MAGI2: variants seen among roughly 807,000 people sequenced by gnomAD.
MAGI2 encodes membrane-associated guanylate kinase, WW and PDZ domain-containing protein 2.
A neutral mutation model predicts 133.3 loss-of-function variants in MAGI2; 35 were observed. That is an observed-to-expected ratio of 0.26 (90% CI 0.20 to 0.35). The LOEUF (loss-of-function observed/expected upper bound fraction) is 0.35, where lower values mean the gene tolerates loss of function less well. MAGI2 is among the 10% of genes least tolerant of loss of function. MAGI2 has a pLI of 1.00. For missense variants in MAGI2, 1,636 were observed against 1,863.4 expected (o/e 0.88, Z 2.25); for synonymous variants, 729 against 710.6 (o/e 1.03, Z -0.41).
chr7:78,434,979 A>G (rs1351392986), intron 6 of MAGI2, among the ~76,000 whole-genome samples: 2 of 152,088 alleles, frequency 1.3e-5, no homozygotes, highest in African/African-American at 4.8e-5. Flanking sequence ...TGGACCAGAC[A>G]AAGACCTAAA....
At chr7:79,213,191 TATAG>T (rs1585215416) in intron 1 of MAGI2, among the ~76,000 whole-genome samples, 16 of 151,436 alleles carry the variant, frequency 1.1e-4, no homozygotes, top group South Asian at 4.2e-4. Context: ...GATTTTTCTG[TATAG>T]ATTTTTCTGT....
At chr7:79,170,821 A>G (rs1825466410) in intron 1 of MAGI2, among the ~76,000 whole-genome samples, 1 of 152,132 alleles carries the variant, frequency 6.6e-6, no homozygotes, top group African/African-American at 2.4e-5. Flanking sequence ...TTGATTCTTA[A>G]TTAAAATAAA....
At chr7:79,235,148 C>T (rs13308108) in intron 1 of MAGI2, among the ~76,000 whole-genome samples, 14 of 152,012 alleles carry the variant, frequency 9.2e-5, no homozygotes, top group South Asian at 2.1e-4. Flanking sequence ...GCAGTCTGCC[C>T]GTTCTCAGAT....
rs1829894946 is a variant in MAGI2 at position 79,214,912 on chromosome 7, T to G, written c.302-207706A>C. Among the ~76,000 whole-genome samples the G allele has an allele frequency of 2.1e-5, 3 of 146,264 alleles. No homozygotes were observed. The South Asian group carries it at 6.3e-4, about 31-fold the overall frequency. ...AAATTTATAAATTTATAAATATATA[T>G]TTATAAATTTCTATGATATATAACA... On this transcript the variant is annotated intron_variant, in intron 1 of 21. Transcript: ENST00000354212.
chr7:78,097,618 C>CT (rs1817827528), intron 20 of MAGI2, among the ~76,000 whole-genome samples: 1 of 152,026 alleles, frequency 6.6e-6, no homozygotes, highest in Non-Finnish European at 1.5e-5. Flanking sequence ...ATGATAAGAA[C>CT]TCATGAATAC....
At chr7:79,190,094 G>T (rs1208107762) in intron 1 of MAGI2, among the ~76,000 whole-genome samples, 2 of 151,672 alleles carry the variant, frequency 1.3e-5, no homozygotes, top group East Asian at 1.9e-4. Flanking sequence ...AAACATTTGT[G>T]CACAGTTTTT....
chr7:78,497,750 A>ATCTATCTATCTGTCTGTCTG lies in MAGI2; in HGVS notation c.965+3826_965+3827insCAGACAGACAGATAGATAGA, dbSNP rs1554442384. 4.5e-4 allele frequency among the ~76,000 whole-genome samples: 51 copies of ATCTATCTATCTGTCTGTCTG among 113,412 alleles called. 1 individual carries two copies. Among genetic ancestry groups the ATCTATCTATCTGTCTGTCTG allele is most frequent in the Non-Finnish European group, 7.6e-4 (39 of 51,220 alleles). The allele number at this position is 113,412 out of a possible 152,430, so 74.4% of individuals were successfully genotyped here. On this transcript the variant is annotated intron_variant, in intron 5 of 21. Coordinates refer to ENST00000354212, the MANE Select transcript of MAGI2 (RefSeq NM_012301.4). The stretch of plus-strand genomic sequence containing the variant: ...TATCTATCTATCTATCTATCTATCT[A>ATCTATCTATCTGTCTGTCTG]TCTATCTATCTATCTTTCTATCTTA...
At chr7:78,758,736 C>T (rs1366710681) in intron 2 of MAGI2, among the ~76,000 whole-genome samples, 1 of 152,122 alleles carries the variant, frequency 6.6e-6, no homozygotes, top group Non-Finnish European at 1.5e-5. Context: ...AAACAATGCT[C>T]CTTATGCATC....
chr7:79,123,664 T>G (rs1820113917), intron 1 of MAGI2, among the ~76,000 whole-genome samples: 1 of 150,372 alleles, frequency 6.7e-6, no homozygotes, highest in African/African-American at 2.4e-5. Context: ...GGTGTGCCTG[T>G]AATCCCAGCA....
chr7:78,875,317 A>G (rs1380349500), intron 2 of MAGI2, among the ~76,000 whole-genome samples: 1 of 152,194 alleles, frequency 6.6e-6, no homozygotes, highest in Admixed American at 6.5e-5. Flanking sequence ...TCTTACAAGG[A>G]GGACAAAGCT....
intron 2 of MAGI2, among the ~76,000 whole-genome samples, chr7:78,854,046 T>A (rs1370391948): frequency 6.6e-6 from 1 of 152,104 alleles, no homozygotes; most frequent in Non-Finnish European, 1.5e-5. Flanking sequence ...TATTGGAAAT[T>A]CATCTACAAT....
intron 20 of MAGI2, among the ~76,000 whole-genome samples, chr7:78,085,202 C>G (rs1260250385): frequency 6.6e-6 from 1 of 152,088 alleles, no homozygotes; most frequent in African/African-American, 2.4e-5. Flanking sequence ...GTCTGAGACT[C>G]TCTTTATGCT....
In MAGI2 at chr7:79,395,787, T is replaced by C. The variant is rs1845002387; in HGVS notation, c.301+57233A>G. ...CTGCAGCTAGACCCTGTTTGTTTCA[T>C]GTATATGTTTGTTTTTCTCACTCCT... On this transcript the variant is annotated intron_variant, in intron 1 of 21. Coordinates refer to ENST00000354212, the MANE Select transcript of MAGI2 (RefSeq NM_012301.4). Among the ~76,000 whole-genome samples, 3 of 152,204 alleles carry C rather than the reference T, an allele frequency of 2.0e-5. No homozygotes were observed. The South Asian group carries it at 6.2e-4, about 31-fold the overall frequency.
intron 1 of MAGI2, among the ~76,000 whole-genome samples, chr7:79,318,432 T>C (rs1024636644): frequency 3.9e-5 from 6 of 152,168 alleles, no homozygotes; most frequent in Non-Finnish European, 8.8e-5. Context: ...GATAGATAAA[T>C]GGAATAAAAT....
At chr7:78,528,446 A>T (rs1797167774) in intron 3 of MAGI2, among the ~76,000 whole-genome samples, 1 of 152,246 alleles carries the variant, frequency 6.6e-6, no homozygotes, top group Non-Finnish European at 1.5e-5. Context: ...AACAAGGGAT[A>T]GTAATGAGTT....
chr7:78,413,838 T>C (rs1798064967), intron 6 of MAGI2, among the ~76,000 whole-genome samples: 1 of 151,788 alleles, frequency 6.6e-6, no homozygotes, highest in African/African-American at 2.4e-5. Context: ...CGAAAGAAAA[T>C]CTCCTATAAC....
intron 2 of MAGI2, among the ~76,000 whole-genome samples, chr7:78,842,384 C>A (rs1792220546): frequency 6.6e-6 from 1 of 151,914 alleles, no homozygotes; most frequent in Admixed American, 6.6e-5. Context: ...TTTCAATGTT[C>A]TAGTAATTGT....
intron 1 of MAGI2, among the ~76,000 whole-genome samples, chr7:79,309,948 T>C (rs1308399040): frequency 2.0e-5 from 2 of 101,860 alleles, no homozygotes; most frequent in Admixed American, 2.3e-4. Context: ...CTGGACAACA[T>C]AGGGAAACCT....
At chr7:78,411,371 A>T (rs1397501997) in intron 6 of MAGI2, among the ~76,000 whole-genome samples, 2 of 151,968 alleles carry the variant, frequency 1.3e-5, no homozygotes, top group Non-Finnish European at 2.9e-5. Context: ...TTATCTTTGA[A>T]TTTTCCAGCG....
Sources: allele counts gnomAD v4.1 joint callset (sites outside exome capture counted in the v4.1 genomes callset), GRCh38; gene constraint gnomAD v4.1.1; transcripts MANE v1.5; gene names NCBI Gene and HGNC (gene_info 2026-07-23, HGNC 2026-07-21).